NEGR1: variants seen among roughly 807,000 people sequenced by gnomAD.
NEGR1 encodes neuronal growth regulator 1, also known as IgLON family member 4.
A neutral mutation model predicts 40.9 loss-of-function variants in NEGR1; 10 were observed. That is an observed-to-expected ratio of 0.24 (90% CI 0.15 to 0.42). The LOEUF (loss-of-function observed/expected upper bound fraction) is 0.42. Ranked by LOEUF, NEGR1 falls within the 10% of genes least tolerant of loss-of-function variation. The pLI, the probability that NEGR1 is intolerant of heterozygous loss-of-function variation, is 1.00. For synonymous variants in NEGR1, 185 were observed against 166.8 expected, an observed-to-expected ratio of 1.11 and a Z score of -0.84; for missense variants, 352 against 438.9, an observed-to-expected ratio of 0.80 and a Z score of 1.77.
intron 4 of NEGR1, among the ~76,000 whole-genome samples, chr1:71,617,199 G>A (rs978904831): frequency 2.2e-4 from 34 of 152,210 alleles, no homozygotes; most frequent in African/African-American, 7.7e-4. Context: ...TTGGTGAAGA[G>A]CTGATCCTGC....
At position 71,750,082 on chromosome 1, in the gene NEGR1, T is replaced by C. The variant is rs961507931; in HGVS notation, c.535+26090A>G. 2.1e-3 allele frequency among the ~76,000 whole-genome samples: 319 copies of C among 150,708 alleles called. 1 individual carries two copies. Among genetic ancestry groups the C allele is most frequent in the African/African-American group, 7.2e-3 (295 of 40,946 alleles). On this transcript the variant is annotated intron_variant, in intron 3 of 6. Coordinates refer to ENST00000357731, the MANE Select transcript of NEGR1 (RefSeq NM_173808.3). ...AATCTCGGCTCACTGCAAGCTCCGCTTCCCAGGTTCACGCCATTCTCCTGC... is the reference window on the plus strand; with the variant it reads ...AATCTCGGCTCACTGCAAGCTCCGCCTCCCAGGTTCACGCCATTCTCCTGC...
intron 1 of NEGR1, among the ~76,000 whole-genome samples, chr1:72,040,669 G>A (rs1225943742): frequency 6.7e-6 from 1 of 149,764 alleles, no homozygotes; most frequent in Non-Finnish European, 1.5e-5. Flanking sequence ...TTGGGTTTGT[G>A]TGTGTATGTG....
intron 6 of NEGR1, among the ~76,000 whole-genome samples, chr1:71,584,662 A>C (rs989895496): frequency 2.0e-5 from 3 of 152,122 alleles, no homozygotes; most frequent in Non-Finnish European, 4.4e-5. Flanking sequence ...AATTACAGGG[A>C]ACACAGTGCA....
At chr1:71,949,321 C>T (rs1646048514) in intron 1 of NEGR1, among the ~76,000 whole-genome samples, 2 of 152,100 alleles carry the variant, frequency 1.3e-5, no homozygotes, top group Admixed American at 6.6e-5. Flanking sequence ...TGGACCCTCC[C>T]TAAGGTTTGC....
chr1:71,656,564 C>G (rs911226315), intron 4 of NEGR1, among the ~76,000 whole-genome samples: 2 of 152,162 alleles, frequency 1.3e-5, no homozygotes, highest in African/African-American at 4.8e-5. Context: ...AGGCGCCCGC[C>G]ACCGTGCCCG....
chr1:71,580,141 G>A (rs1340282974), intron 6 of NEGR1, among the ~76,000 whole-genome samples: 1 of 152,010 alleles, frequency 6.6e-6, no homozygotes, highest in Non-Finnish European at 1.5e-5. Flanking sequence ...AAAATGATGA[G>A]TTCATGTCCT....
chr1:71,752,387 G>A (rs1247527770), intron 3 of NEGR1, among the ~76,000 whole-genome samples: 1 of 152,122 alleles, frequency 6.6e-6, no homozygotes, highest in Non-Finnish European at 1.5e-5. Context: ...TAGGGAAAGG[G>A]ATTTTTCCCA....
chr1:71,502,760 A>G (rs553729378), intron 6 of NEGR1, among the ~76,000 whole-genome samples: 2 of 152,324 alleles, frequency 1.3e-5, no homozygotes, highest in East Asian at 3.9e-4. Context: ...AAGTAAGAAA[A>G]TTGGACTATA....
intron 3 of NEGR1, among the ~76,000 whole-genome samples, chr1:71,743,255 T>C (rs1326510920): frequency 6.6e-6 from 1 of 152,176 alleles, no homozygotes; most frequent in East Asian, 1.9e-4. Flanking sequence ...AAAAATGTAA[T>C]ACAGAATATT....
At chr1:71,896,985 T>C (rs977259517) in intron 2 of NEGR1, among the ~76,000 whole-genome samples, 1 of 152,180 alleles carries the variant, frequency 6.6e-6, no homozygotes, top group Non-Finnish European at 1.5e-5. Flanking sequence ...GGATTCAAAG[T>C]TGGTTACCCC....
chr1:71,901,666 ATTTTTTTTTT>A (rs33958971), intron 2 of NEGR1, among the ~76,000 whole-genome samples: 1 of 115,860 alleles, frequency 8.6e-6, no homozygotes, highest in Non-Finnish European at 1.7e-5. Flanking sequence ...TGAGATATAA[ATTTTTTTTTT>A]TTTTTTTTTT....
intron 1 of NEGR1, among the ~76,000 whole-genome samples, chr1:71,936,621 A>C (rs931043131): frequency 1.3e-5 from 2 of 152,190 alleles, no homozygotes; most frequent in Admixed American, 6.5e-5. Flanking sequence ...GAGAAATAGG[A>C]ATTTCAGGGA....
In NEGR1 at chr1:71,430,703, CTTTTTTT is replaced by C. The variant is rs36111844; in HGVS notation, c.941-23140_941-23134del. 1.3e-4 allele frequency among the ~76,000 whole-genome samples: 9 copies of C among 71,786 alleles called. No homozygotes were observed. In the South Asian group the frequency reaches 3.0e-3, roughly 24 times the overall value. The allele number at this position is 71,786 out of a possible 152,430, so 47.1% of individuals were successfully genotyped here. On this transcript the variant is annotated intron_variant, in intron 6 of 6. Transcript: ENST00000357731. ...CTCCATATAAGAATTAAAAAAAGGC[CTTTTTTT>C]TTTTTTTTTTTTTTGAGACGGAGTC...
chr1:71,868,253 A>C (rs887428537), intron 2 of NEGR1, among the ~76,000 whole-genome samples: 1 of 152,154 alleles, frequency 6.6e-6, no homozygotes, highest in Non-Finnish European at 1.5e-5. Flanking sequence ...ACTACAATAC[A>C]TGGAAACAAA....
At chr1:72,024,587 C>A (rs1569841954) in intron 1 of NEGR1, among the ~76,000 whole-genome samples, 1 of 152,190 alleles carries the variant, frequency 6.6e-6, no homozygotes, top group Non-Finnish European at 1.5e-5. Flanking sequence ...GCAATGCAAA[C>A]AAAATGCTTT....
chr1:71,500,144 TAGTTA>T lies in NEGR1; in HGVS notation c.941-92579_941-92575del, dbSNP rs1338773590. On this transcript the variant is annotated intron_variant, in intron 6 of 6. Transcript: ENST00000357731. ...AAATATACCTCAAGAAAATTATCTA[TAGTTA>T]AGTTTTGTTTAACTCACCATGTCAT... Among the ~76,000 whole-genome samples, 20 of 152,220 alleles carry T rather than the reference TAGTTA, an allele frequency of 1.3e-4. No homozygotes were observed. The East Asian group carries it at 2.1e-3, about 16-fold the overall frequency.
intron 6 of NEGR1, among the ~76,000 whole-genome samples, chr1:71,544,389 C>A (rs1405409543): frequency 6.6e-6 from 1 of 151,590 alleles, no homozygotes; most frequent in Non-Finnish European, 1.5e-5. Context: ...GCTTTGAGTT[C>A]CACTTTGTCA....
intron 2 of NEGR1, among the ~76,000 whole-genome samples, chr1:71,782,830 T>C (rs1411056224): frequency 6.6e-6 from 1 of 152,182 alleles, no homozygotes; most frequent in Non-Finnish European, 1.5e-5. Flanking sequence ...GATTAAATAT[T>C]CCTCTAACTC....
At chr1:71,811,397 T>C (rs568459614) in intron 2 of NEGR1, among the ~76,000 whole-genome samples, 3 of 152,234 alleles carry the variant, frequency 2.0e-5, no homozygotes, top group Non-Finnish European at 2.9e-5. Context: ...TCTTCATTTG[T>C]ATAGGTGGTT....
Sources: allele counts gnomAD v4.1 joint callset (sites outside exome capture counted in the v4.1 genomes callset), GRCh38; gene constraint gnomAD v4.1.1; transcripts MANE v1.5; gene names NCBI Gene and HGNC (gene_info 2026-07-23, HGNC 2026-07-21).